The following TACC3 variants were observed in gnomAD, a reference collection of about 807,000 sequenced individuals.
TACC3 encodes the protein transforming acidic coiled-coil containing protein 3, also known as transforming acidic coiled-coil-containing protein 3.
TACC3 carries 52 observed loss-of-function variants against 86.0 expected under a neutral mutation model. The observed-to-expected ratio is 0.60, with a 90% CI of 0.48 to 0.76. The LOEUF is 0.76. Among genes scored for constraint, TACC3 ranks in the 30% least tolerant of loss-of-function variants. The pLI, the probability that TACC3 is intolerant of heterozygous loss-of-function variation, is 0.00. For missense variants in TACC3, 1,120 were observed against 1,070.4 expected (o/e 1.05, Z -0.65); for synonymous variants, 512 against 430.0 (o/e 1.19, Z -2.36).
At position 1,737,817 on chromosome 4, in the gene TACC3, C is replaced by T. The variant is rs929967639; in HGVS notation, c.1941+115C>T. The T allele has an allele frequency of 2.8e-5, 28 of 1,016,706 alleles. No homozygotes were observed. In the African/African-American group the frequency reaches 4.3e-4, roughly 16 times the overall value. 63.0% of individuals were successfully genotyped at this position (1,016,706 alleles called of 1,614,324 possible). A position where few individuals can be genotyped will look rare whatever the true frequency, so the allele number is the denominator to read the frequency against. On this transcript the variant is annotated intron_variant, in intron 10 of 15. Transcript: ENST00000313288. ...GCCATCCCTGCCATCCCTGCCCCTG[C>T]TGGTTGGGGTGGAATTGCAGAGAGC...
chr4:1,721,382 G>GA (rs1207385101), upstream of TACC3: 1 of 149,514 alleles, frequency 6.7e-6, no homozygotes, highest in African/African-American at 2.4e-5. Flanking sequence ...GGGGGGTGGG[G>GA]GGGGAGGGAG....
intron 5 of TACC3, 88 bp from the exon 6 acceptor site, chr4:1,731,084 G>A: frequency 6.3e-7 from 1 of 1,597,852 alleles, no homozygotes. Context: ...TCTCCCCCAA[G>A]TCTACTTCAA....
chr4:1,738,296 G>T, intron 10 of TACC3: 1 of 230,436 alleles, frequency 4.3e-6, no homozygotes. Context: ...TCCGGAGGCC[G>T]GCTGGCAGGG....
intron 3 of TACC3, among the ~76,000 whole-genome samples, chr4:1,724,778 T>C (rs921871132): frequency 2.0e-5 from 3 of 151,656 alleles, no homozygotes; most frequent in Admixed American, 6.6e-5. Context: ...TGCTGTTGTT[T>C]TGAGACAGAG....
rs141261775 is a variant in TACC3, at chr4:1,739,710, G to A, written c.1950G>A (p.Ala650=). 8 of 1,580,400 alleles carry A rather than the reference G, an allele frequency of 5.1e-6. No individual in the cohort carries two copies. The highest frequency in any genetic ancestry group is 1.8e-4 in the Middle Eastern group (1 of 5,674). ...SQKDLDAVVK[A]TQEENRELRS... is the part of the protein sequence containing the mutation. ...GGGTGTGGCCTGAGCAGGTAAAGGC[G>A]ACACAGGAGGAGAACCGGGAGCTGA... Residue 650 remains alanine (A), a synonymous_variant, in exon 11 of 16, where the codon GCG becomes GCA. Transcript: ENST00000313288.
intron 12 of TACC3, 87 bp downstream of exon 12, chr4:1,740,089 C>A: frequency 7.3e-7 from 1 of 1,366,250 alleles, no homozygotes. Flanking sequence ...CTGCCTAGGA[C>A]CCCACCCTCC....
Position 1,728,796 on chromosome 4 carries a change from G to A in TACC3, c.1385+9G>A, listed in dbSNP as rs1208271327. The A allele has an allele frequency of 1.9e-6, 3 of 1,596,482 alleles. No homozygotes were observed. The highest frequency in any genetic ancestry group is 2.6e-6 in the Non-Finnish European group (3 of 1,173,144). On this transcript the variant is annotated intron_variant, in intron 4 of 15. Transcript: ENST00000313288. ...GGTCCCTGTCTGAGCCAGTAAGTGT[G>A]AGGATGGGATGGGGAGCGTGGCGTG...
intron 2 of TACC3, 28 bp downstream of exon 2, chr4:1,723,611 T>C: frequency 6.2e-7 from 1 of 1,609,436 alleles, no homozygotes; most frequent in South Asian, 1.1e-5. Flanking sequence ...AGTGTGTGGC[T>C]GGCCAGGTTG....
chr4:1,743,565 A>C (rs957046960), intron 13 of TACC3, among the ~76,000 whole-genome samples: 10 of 152,108 alleles, frequency 6.6e-5, no homozygotes, highest in Non-Finnish European at 1.5e-4. Flanking sequence ...AAAAAAAAAC[A>C]GAAACTAGAA....
At position 1,745,071 on chromosome 4, in the gene TACC3, C is replaced by T. The variant is rs918377112; in HGVS notation, c.*58C>T. On this transcript the variant is annotated 3_prime_UTR_variant, in exon 16 of 16. Coordinates refer to ENST00000313288, the MANE Select transcript of TACC3 (RefSeq NM_006342.3). The stretch of plus-strand genomic sequence containing the variant: ...TCCCGTCTGTCTGTCCTGTCTGATT[C>T]TCTTAGGTGTCATGTTCTTTTTTCT... The T allele has an allele frequency of 6.6e-7, 1 of 1,512,956 alleles. No individual in the cohort carries two copies. Among genetic ancestry groups the T allele is most frequent in the African/African-American group, 1.4e-5 (1 of 72,344 alleles). The allele number at this position is 1,512,956 out of a possible 1,614,324, so 93.7% of individuals were successfully genotyped here. A position where few individuals can be genotyped will look rare whatever the true frequency, so the allele number is the denominator to read the frequency against.
intron 12 of TACC3, chr4:1,740,232 A>G: frequency 1.7e-6 from 1 of 593,072 alleles, no homozygotes; most frequent in Non-Finnish European, 3.0e-6. Flanking sequence ...CAGGCCCCAC[A>G]GTTGTGCAGA....
At chr4:1,725,978 G>A (rs921959962) in intron 3 of TACC3, among the ~76,000 whole-genome samples, 3 of 152,346 alleles carry the variant, frequency 2.0e-5, no homozygotes, top group East Asian at 1.9e-4. Flanking sequence ...TTCAAACTTA[G>A]AGTTGGAAGA....
Position 1,735,907 on chromosome 4 carries a change from T to A in TACC3, c.1748+73T>A, listed in dbSNP as rs1718239996. The A allele has an allele frequency of 1.4e-5, 15 of 1,088,488 alleles. No individual in the cohort carries two copies. Among genetic ancestry groups the A allele is most frequent in the African/African-American group, 3.1e-5 (2 of 64,456 alleles). 67.4% of individuals were successfully genotyped at this position (1,088,488 alleles called of 1,614,324 possible). ...GACTGGAGGCTGTTCCTAGGTGTGC[T>A]GTCTGCACAGAGGCTTCTAGACCGG... On this transcript the variant is annotated intron_variant, in intron 8 of 15. Transcript: ENST00000313288. The surrounding 1 kb of genome is among the most constrained non-coding windows in gnomAD (Gnocchi z 4.2).
intron 12 of TACC3, 107 bp from the exon 13 acceptor site, chr4:1,740,719 C>A: frequency 1.0e-6 from 1 of 1,002,942 alleles, no homozygotes; most frequent in Non-Finnish European, 1.5e-6. Flanking sequence ...CCACTGCCCA[C>A]CTCTCCTCCT....
intron 12 of TACC3, 189 bp from the exon 13 acceptor site, chr4:1,740,637 C>T: frequency 1.8e-6 from 1 of 569,824 alleles, no homozygotes; most frequent in Non-Finnish European, 3.1e-6. Flanking sequence ...GAGGAAACAG[C>T]TGTTTCCTGG....
chr4:1,742,432 A>G (rs1369685889), intron 13 of TACC3, among the ~76,000 whole-genome samples: 1 of 152,210 alleles, frequency 6.6e-6, no homozygotes, highest in Non-Finnish European at 1.5e-5. Context: ...CTACTTCCTC[A>G]TGGAGGCTCC....
chr4:1,728,103 A>G lies in TACC3; in HGVS notation c.701A>G (p.Glu234Gly). Residue 234 changes from glutamate to glycine, a missense_variant, in exon 4 of 16, where the codon GAG becomes GGG. Coordinates refer to ENST00000313288, the MANE Select transcript of TACC3 (RefSeq NM_006342.3). Reference sequence around the variant, plus strand: ...GCGGAGACTCCGCACGGAGCCGAGGAGGAATGCCGGCACGGTGGGGTCTGT... The same window carrying G: ...GCGGAGACTCCGCACGGAGCCGAGGGGGAATGCCGGCACGGTGGGGTCTGT... ...CKAETPHGAE[E>G]ECRHGGVCAP... The G allele has an allele frequency of 7.4e-6, 12 of 1,611,972 alleles. No homozygotes were observed. The highest frequency in any genetic ancestry group is 1.0e-5 in the Non-Finnish European group (12 of 1,179,746).
Position 1,728,497 on chromosome 4 carries a change from T to TCC in TACC3, c.1097_1098dup (p.Leu367ProfsTer2). On this transcript the variant is annotated frameshift_variant, in exon 4 of 16. Coordinates refer to ENST00000313288, the MANE Select transcript of TACC3 (RefSeq NM_006342.3). LOFTEE classifies it high-confidence loss of function. ...TGGGAGAGAGGTCCGGCCTCAAGCC[T>TCC]CCCTTGAGGAAAGCAGCAGTGAGGC... 1 of 1,613,854 alleles carries TCC rather than the reference T, an allele frequency of 6.2e-7. No individual in the cohort carries two copies. Among genetic ancestry groups the TCC allele is most frequent in the South Asian group, 1.1e-5 (1 of 91,066 alleles).
intron 10 of TACC3, 108 bp from the exon 11 acceptor site, chr4:1,739,594 G>C (rs1718464354): frequency 1.9e-6 from 2 of 1,033,762 alleles, no homozygotes; most frequent in Admixed American, 4.5e-5. Context: ...TGTGCCTCTG[G>C]GACATTGCTC....
Sources: allele counts gnomAD v4.1 joint callset (sites outside exome capture counted in the v4.1 genomes callset), GRCh38; gene constraint gnomAD v4.1.1; non-coding constraint Gnocchi (gnomAD v3.1); transcripts MANE v1.5; gene names NCBI Gene and HGNC (gene_info 2026-07-23, HGNC 2026-07-21).